The following HDAC4 variants were observed in gnomAD, a reference collection of about 807,000 sequenced individuals.
The protein encoded by HDAC4 is histone deacetylase A.
HDAC4 carries 16 observed loss-of-function variants against 135.1 expected under a neutral mutation model. The observed-to-expected ratio is 0.12, with a 90% confidence interval of 0.08 to 0.18. The LOEUF (loss-of-function observed/expected upper bound fraction) is 0.18, where lower values mean the gene tolerates loss of function less well. Ranked by LOEUF, HDAC4 falls within the 10% of genes least tolerant of loss-of-function variation. The pLI is 1.00. For synonymous variants in HDAC4, 685 were observed against 653.4 expected (o/e 1.05, Z -0.74); for missense variants, 1,143 against 1,511.8 (o/e 0.76, Z 4.05).
chr2:239,203,082 C>T (rs763974385), intron 3 of HDAC4, among the ~76,000 whole-genome samples: 2 of 152,196 alleles, frequency 1.3e-5, no homozygotes, highest in Non-Finnish European at 2.9e-5. Context: ...CTGCAGGGCT[C>T]CTGTGCCATA....
chr2:239,396,128 C>T (rs114310254), intron 1 of HDAC4, among the ~76,000 whole-genome samples: 1,685 of 151,644 alleles, frequency 0.011, 15 homozygotes, highest in South Asian at 0.02. Flanking sequence ...AGGCACACGA[C>T]GTCATGCCTG....
chr2:239,381,047 G>C (rs1011810011), intron 1 of HDAC4, among the ~76,000 whole-genome samples: 1 of 152,158 alleles, frequency 6.6e-6, no homozygotes, highest in Non-Finnish European at 1.5e-5. Context: ...CACACATCAG[G>C]ATGTTTAAAG....
intron 1 of HDAC4, among the ~76,000 whole-genome samples, chr2:239,380,691 G>C (rs1437692021): frequency 6.6e-6 from 1 of 152,114 alleles, no homozygotes; most frequent in African/African-American, 2.4e-5. Context: ...ATTTTGTTAG[G>C]TGTTTCTTAC....
intron 1 of HDAC4, among the ~76,000 whole-genome samples, chr2:239,393,126 G>A (rs557997589): frequency 6.6e-6 from 1 of 152,284 alleles, no homozygotes; most frequent in South Asian, 2.1e-4. Flanking sequence ...CCCGGCGTGT[G>A]AGCCACCTTC....
At chr2:239,372,042 G>A (rs911862862) in intron 1 of HDAC4, among the ~76,000 whole-genome samples, 4 of 152,234 alleles carry the variant, frequency 2.6e-5, no homozygotes, top group African/African-American at 9.6e-5. Context: ...TGCTCGGCCA[G>A]AGGCATCCTC....
At position 239,352,537 on chromosome 2, in the gene HDAC4, G is replaced by A; in HGVS notation, c.22+141C>T. The A allele has an allele frequency of 1.3e-6, 1 of 768,050 alleles. No individual in the cohort carries two copies. The allele number at this position is 768,050 out of a possible 1,614,324, so 47.6% of individuals were successfully genotyped here. A position where few individuals can be genotyped will look rare whatever the true frequency, so the allele number is the denominator to read the frequency against. Reference sequence around the variant, plus strand: ...GAATAAACCATCCATTTTGCACTTTGTGCTGTCAAAAACCAACAGTGACCA... The same window carrying A: ...GAATAAACCATCCATTTTGCACTTTATGCTGTCAAAAACCAACAGTGACCA... On this transcript the variant is annotated intron_variant, in intron 2 of 26. Transcript: ENST00000543185. The surrounding 1 kb of genome is among the most constrained non-coding windows in gnomAD (Gnocchi z 4.4).
intron 1 of HDAC4, among the ~76,000 whole-genome samples, chr2:239,358,635 A>G (rs1312605164): frequency 6.6e-6 from 1 of 152,206 alleles, no homozygotes; most frequent in East Asian, 1.9e-4. Flanking sequence ...TCTCTGTATG[A>G]GTTTACACTT....
chr2:239,067,389 TCAG>T (rs2033649065), intron 23 of HDAC4, among the ~76,000 whole-genome samples: 1 of 151,728 alleles, frequency 6.6e-6, no homozygotes, highest in Admixed American at 6.6e-5. Context: ...ATCACCACCC[TCAG>T]CCAGGCCAGG....
At chr2:239,092,057 C>T (rs1175737703) in intron 17 of HDAC4, among the ~76,000 whole-genome samples, 2 of 151,886 alleles carry the variant, frequency 1.3e-5, no homozygotes, top group Non-Finnish European at 2.9e-5. Context: ...GGCGACAGAG[C>T]CAGACTCCGT....
chr2:239,155,190 C>T (rs1449626185), intron 7 of HDAC4, among the ~76,000 whole-genome samples: 2 of 149,626 alleles, frequency 1.3e-5, no homozygotes, highest in African/African-American at 2.5e-5. Flanking sequence ...TGACCCAATA[C>T]GGCCCACTGC....
chr2:239,198,721 C>T (rs1055142642), intron 3 of HDAC4, among the ~76,000 whole-genome samples: 2 of 152,168 alleles, frequency 1.3e-5, no homozygotes, highest in Non-Finnish European at 2.9e-5. Context: ...TCATTCGTGT[C>T]GCCCCTCTTC....
At chr2:239,334,372 T>A (rs1013865706) in intron 2 of HDAC4, among the ~76,000 whole-genome samples, 1 of 151,606 alleles carries the variant, frequency 6.6e-6, no homozygotes, top group African/African-American at 2.4e-5. Context: ...ATAGAAAAAA[T>A]TAGCCAGGCA....
chr2:239,257,217 G>T (rs1325412067), intron 2 of HDAC4, among the ~76,000 whole-genome samples: 1 of 150,500 alleles, frequency 6.6e-6, no homozygotes, highest in Non-Finnish European at 1.5e-5. Context: ...TAATAAACAT[G>T]ACTGCTTCAA....
At chr2:239,366,085 T>C (rs1344507327) in intron 1 of HDAC4, among the ~76,000 whole-genome samples, 1 of 122,114 alleles carries the variant, frequency 8.2e-6, no homozygotes, top group Non-Finnish European at 1.6e-5. Context: ...CAAACACGCA[T>C]GCACAGAGCA....
At chr2:239,202,662 G>T (rs2045828179) in intron 3 of HDAC4, among the ~76,000 whole-genome samples, 1 of 152,126 alleles carries the variant, frequency 6.6e-6, no homozygotes, top group Non-Finnish European at 1.5e-5. Context: ...GGGAGGGGCG[G>T]TGGCAGGGCC....
At chr2:239,138,426 G>A (rs2041119620) in intron 9 of HDAC4, among the ~76,000 whole-genome samples, 1 of 152,186 alleles carries the variant, frequency 6.6e-6, no homozygotes, top group East Asian at 1.9e-4. Flanking sequence ...CTTTGGAAGG[G>A]CAGGATTCAT....
At chr2:239,215,843 A>G (rs921348454) in intron 3 of HDAC4, among the ~76,000 whole-genome samples, 2 of 152,184 alleles carry the variant, frequency 1.3e-5, no homozygotes, top group African/African-American at 4.8e-5. Flanking sequence ...TTGGTTCATA[A>G]AAAATCACCC....
At chr2:239,083,402 G>A (rs756136420) in intron 20 of HDAC4, among the ~76,000 whole-genome samples, 2 of 152,188 alleles carry the variant, frequency 1.3e-5, no homozygotes, top group African/African-American at 2.4e-5. Flanking sequence ...CTGCCTCTCC[G>A]AAACAGCATG....
At chr2:239,202,543 G>A (rs968573674) in intron 3 of HDAC4, among the ~76,000 whole-genome samples, 2 of 152,056 alleles carry the variant, frequency 1.3e-5, no homozygotes, top group Admixed American at 1.3e-4. Context: ...CGGAGCTCTG[G>A]GAGAAGGGCT....
Sources: gnomAD v4.1 joint callset for allele counts (sites outside exome capture counted in the v4.1 genomes callset) on GRCh38, gnomAD v4.1.1 for gene constraint, Gnocchi (gnomAD v3.1) non-coding constraint, MANE v1.5 for transcripts, NCBI Gene and HGNC (gene_info 2026-07-23, HGNC 2026-07-21) for gene names.